RIMBP2: variants seen among roughly 807,000 people sequenced by gnomAD.
RIMBP2 encodes RIMS binding protein 2.
Under a neutral mutation model 118.6 loss-of-function variants are expected in RIMBP2, and 48 were observed. That is an observed-to-expected ratio of 0.40 (90% confidence interval 0.32 to 0.51). The LOEUF (loss-of-function observed/expected upper bound fraction) is 0.51. Among genes scored for constraint, RIMBP2 ranks in the 20% least tolerant of loss-of-function variants. RIMBP2 has a pLI of 0.41. For synonymous variants in RIMBP2, 762 were observed against 742.9 expected (o/e 1.03, Z -0.42); for missense variants, 1,551 against 1,768.3 (o/e 0.88, Z 2.20).
intron 14 of RIMBP2, among the ~76,000 whole-genome samples, chr12:130,432,495 G>C (rs953083662): frequency 3.3e-5 from 5 of 152,158 alleles, no homozygotes; most frequent in African/African-American, 1.2e-4. Context: ...ACCCTATTCA[G>C]AAGTTGAAAC....
In RIMBP2 at chr12:130,688,929, C is replaced by G. The variant is rs2065189899; in HGVS notation, c.-352+27293G>C. On this transcript the variant is annotated intron_variant, in intron 1 of 22. Coordinates refer to ENST00000690449, the MANE Select transcript of RIMBP2 (RefSeq NM_001393629.1). This position sits in a 1 kb window ranked among gnomAD's most constrained non-coding sequence, Gnocchi z 4.7. ...TGCCCAGCAGAACTGGAGCGAAGGT[C>G]GGTCGCAGGCAGCAGAGAACTGCCC... 6.6e-6 allele frequency among the ~76,000 whole-genome samples: 1 copy of G among 152,258 alleles called. No individual in the cohort carries two copies. The highest frequency in any genetic ancestry group is 2.4e-5 in the African/African-American group (1 of 41,470).
intron 2 of RIMBP2, among the ~76,000 whole-genome samples, chr12:130,566,264 T>C (rs902108848): frequency 1.2e-4 from 18 of 152,146 alleles, no homozygotes; most frequent in African/African-American, 3.9e-4. Context: ...CCCCACTTCC[T>C]GTAAGGCAAT....
intron 4 of RIMBP2, among the ~76,000 whole-genome samples, chr12:130,492,761 G>A (rs558042454): frequency 6.2e-4 from 94 of 152,158 alleles, no homozygotes; most frequent in Non-Finnish European, 1.2e-3. Context: ...CAGGTTCCAC[G>A]TTTATTGAAT....
At chr12:130,587,843 GAAA>G (rs904954927) in intron 2 of RIMBP2, among the ~76,000 whole-genome samples, 1 of 135,784 alleles carries the variant, frequency 7.4e-6, no homozygotes, top group Admixed American at 7.2e-5. Flanking sequence ...AAAAAAAAAA[GAAA>G]AAAAAAAGAA....
intron 2 of RIMBP2, among the ~76,000 whole-genome samples, chr12:130,594,728 C>T (rs1178645458): frequency 1.3e-5 from 2 of 152,048 alleles, no homozygotes; most frequent in African/African-American, 4.8e-5. Context: ...TATGTATGTA[C>T]ATGTGATTAC....
chr12:130,702,596 GAGGA>G (rs1212865137), intron 1 of RIMBP2, among the ~76,000 whole-genome samples: 2 of 147,896 alleles, frequency 1.4e-5, no homozygotes, highest in African/African-American at 5.0e-5. Flanking sequence ...AGAAGGGAGG[GAGGA>G]AGGAAGGAAG....
chr12:130,438,487 C>T lies in RIMBP2; in HGVS notation c.1534G>A (p.Val512Ile), dbSNP rs538642944. The change falls in exon 12 of 23, where the codon GTC becomes ATC. Residue 512 changes from valine to isoleucine, a missense_variant. Physicochemically the swap from Val to Ile is conservative, Grantham distance 29. Transcript: ENST00000690449. ...GPPAPPQDVT[V>I]QAGVTPATIR... is the part of the protein sequence containing the mutation. ...GTGGCGGGGGTCACCCCAGCCTGGA[C>T]GGTAACATCTTGTGGGGGTGCTGGG... The T allele has an allele frequency of 8.1e-6, 13 of 1,609,630 alleles. No individual in the cohort carries two copies. The Middle Eastern group carries it at 5.1e-4, about 63-fold the overall frequency.
chr12:130,679,654 A>G (rs1594193346), intron 1 of RIMBP2, among the ~76,000 whole-genome samples: 1 of 152,196 alleles, frequency 6.6e-6, no homozygotes, highest in Non-Finnish European at 1.5e-5. Flanking sequence ...CCTTTTCTCT[A>G]TGGATACTGG....
At chr12:130,554,307 C>A (rs1035532483) in intron 2 of RIMBP2, among the ~76,000 whole-genome samples, 1 of 152,124 alleles carries the variant, frequency 6.6e-6, no homozygotes, top group South Asian at 2.1e-4. Flanking sequence ...TAATTCAGTT[C>A]AACGTTTGCT....
intron 11 of RIMBP2, among the ~76,000 whole-genome samples, chr12:130,439,362 TATGTGTGTATGTGG>T (rs948657590): frequency 1.3e-5 from 2 of 150,202 alleles, no homozygotes; most frequent in African/African-American, 4.9e-5. Context: ...TGGGCATGCG[TATGTGTGTATGTGG>T]GTGTGTGTAT....
chr12:130,465,356 G>A (rs943307847), intron 6 of RIMBP2: 4 of 152,384 alleles, frequency 2.6e-5, no homozygotes, highest in Admixed American at 1.3e-4. Flanking sequence ...TCCCATCAGG[G>A]TGCCCTGAAG....
rs932052934 is a variant in RIMBP2 at position 130,706,778 on chromosome 12, T to C, written c.-352+9444A>G. On this transcript the variant is annotated intron_variant, in intron 1 of 22. Coordinates refer to ENST00000690449, the MANE Select transcript of RIMBP2 (RefSeq NM_001393629.1). Reference sequence around the variant, plus strand: ...GATTCAATGAGGCCGGCTCTTGTTTTCATGGCTCATGCTATTGCTCTCCAA... The same window carrying C: ...GATTCAATGAGGCCGGCTCTTGTTTCCATGGCTCATGCTATTGCTCTCCAA... 3.3e-5 allele frequency among the ~76,000 whole-genome samples: 5 copies of C among 152,246 alleles called. No homozygotes were observed. The East Asian group carries it at 9.6e-4, about 29-fold the overall frequency.
chr12:130,542,886 A>G (rs906328085), intron 2 of RIMBP2, among the ~76,000 whole-genome samples: 1 of 152,236 alleles, frequency 6.6e-6, no homozygotes, highest in Non-Finnish European at 1.5e-5. Context: ...CATGGTCTAC[A>G]TTTCCATTGT....
Position 130,702,296 on chromosome 12 carries a change from C to T in RIMBP2, c.-352+13926G>A, listed in dbSNP as rs565698743. The stretch of plus-strand genomic sequence containing the variant: ...CTTTGGGAGGCCCAGGTGGGTGGAT[C>T]ACCTGAGGTCGGGAGTTCGAGACCA... On this transcript the variant is annotated intron_variant, in intron 1 of 22. Coordinates refer to ENST00000690449, the MANE Select transcript of RIMBP2 (RefSeq NM_001393629.1). Among the ~76,000 whole-genome samples, 11 of 152,110 alleles carry T rather than the reference C, an allele frequency of 7.2e-5. 1 individual carries two copies. The South Asian group carries it at 1.2e-3, about 17-fold the overall frequency.
At chr12:130,609,049 G>A (rs1479959178) in intron 2 of RIMBP2, among the ~76,000 whole-genome samples, 7 of 152,122 alleles carry the variant, frequency 4.6e-5, no homozygotes, top group Non-Finnish European at 8.8e-5. Context: ...GTGCCTGACT[G>A]ATGACTTAAT....
At chr12:130,405,712 A>AGTTG (rs1396929071) in intron 21 of RIMBP2, among the ~76,000 whole-genome samples, 3 of 152,164 alleles carry the variant, frequency 2.0e-5, no homozygotes, top group Non-Finnish European at 2.9e-5. Flanking sequence ...TGCTAACAGC[A>AGTTG]GTTGGCTCTA....
intron 1 of RIMBP2, among the ~76,000 whole-genome samples, chr12:130,712,889 C>T (rs1003701323): frequency 6.6e-6 from 1 of 152,042 alleles, no homozygotes; most frequent in Non-Finnish European, 1.5e-5. Context: ...ATCGCACAGC[C>T]ACCGCAGTAC....
chr12:130,452,390 G>C (rs923330056), intron 7 of RIMBP2, among the ~76,000 whole-genome samples: 1 of 152,210 alleles, frequency 6.6e-6, no homozygotes, highest in Non-Finnish European at 1.5e-5. Flanking sequence ...CAGGGAATTG[G>C]AGCTGGGGCA....
intron 2 of RIMBP2, among the ~76,000 whole-genome samples, chr12:130,570,978 G>A (rs2057593279): frequency 6.6e-6 from 1 of 152,192 alleles, no homozygotes. Flanking sequence ...AGATGGGGAA[G>A]AAACAGGCAA....
Sources: allele counts gnomAD v4.1 joint callset (sites outside exome capture counted in the v4.1 genomes callset), GRCh38; gene constraint gnomAD v4.1.1; non-coding constraint Gnocchi (gnomAD v3.1); transcripts MANE v1.5; gene names NCBI Gene and HGNC (gene_info 2026-07-23, HGNC 2026-07-21).